The following CD200 variants were observed in gnomAD, a reference collection of about 807,000 sequenced individuals.
The protein encoded by CD200 is OX-2 membrane glycoprotein.
CD200 carries 15 observed loss-of-function variants against 30.9 expected under a neutral mutation model. The observed-to-expected ratio is 0.49, with a 90% CI of 0.32 to 0.75. The LOEUF (loss-of-function observed/expected upper bound fraction) is 0.75, where lower values mean the gene tolerates loss of function less well. Ranked by LOEUF, CD200 falls within the 30% of genes least tolerant of loss-of-function variation. The probability of loss-of-function intolerance (pLI) is 0.03; values close to 1 mark genes in which losing one functional copy is unlikely to be tolerated. For missense variants in CD200, 262 were observed against 324.2 expected (o/e 0.81, Z 1.47); for synonymous variants, 134 against 126.2 (o/e 1.06, Z -0.41).
chr3:112,333,285 C>A, intron 1 of CD200, 61 bp downstream of exon 1: 1 of 1,521,546 alleles, frequency 6.6e-7, no homozygotes, highest in South Asian at 1.2e-5. Flanking sequence ...GCCGGTGGCC[C>A]TGGGGCGGGC....
chr3:112,334,201 T>A (rs1331699956), intron 1 of CD200: 1 of 985,292 alleles, frequency 1.0e-6, no homozygotes. Context: ...TATTTCCAAG[T>A]CCTTGTGACT....
At chr3:112,353,067 G>A (rs2081564135) in intron 5 of CD200, among the ~76,000 whole-genome samples, 1 of 152,086 alleles carries the variant, frequency 6.6e-6, no homozygotes, top group South Asian at 2.1e-4. Flanking sequence ...AAATTTCCTA[G>A]GGAAATTTTC....
intron 5 of CD200, among the ~76,000 whole-genome samples, chr3:112,353,257 A>T (rs1244206191): frequency 6.6e-6 from 1 of 152,212 alleles, no homozygotes; most frequent in African/African-American, 2.4e-5. Context: ...TTTGAGGCAG[A>T]TCATCATAGA....
intron 2 of CD200, 52 bp downstream of exon 2, chr3:112,341,035 G>T: frequency 8.6e-7 from 1 of 1,160,080 alleles, no homozygotes. Context: ...AATTTCTGGG[G>T]TGAAGACATT....
At chr3:112,333,663 G>T in intron 1 of CD200, 1 of 985,448 alleles carries the variant, frequency 1.0e-6, no homozygotes, top group Non-Finnish European at 1.2e-6. Flanking sequence ...GGCACCAAAA[G>T]CTGCGGCGGA....
chr3:112,333,596 A>T, intron 1 of CD200: 1 of 985,436 alleles, frequency 1.0e-6, no homozygotes, highest in African/African-American at 1.7e-5. Flanking sequence ...GGGGAGGCAC[A>T]GCCTATTTTA....
intron 2 of CD200, among the ~76,000 whole-genome samples, chr3:112,343,330 G>T (rs1024595053): frequency 2.0e-5 from 3 of 151,608 alleles, no homozygotes; most frequent in Non-Finnish European, 4.4e-5. Flanking sequence ...TTGTGACATG[G>T]ACTTACCTTG....
In CD200 at chr3:112,344,973, A is replaced by G. The variant is rs746890633; in HGVS notation, c.106A>G (p.Thr36Ala). 1.9e-6 allele frequency: 3 copies of G among 1,610,804 alleles called. No homozygotes were observed. The South Asian group carries it at 3.3e-5, about 18-fold the overall frequency. ...VLCTAQVQVV[T>A]QDEREQLYTP... ...TTATGATTCCATAGTGCAAGTGGTG[A>G]CCCAGGATGAAAGAGAGCAGCTGTA... Residue 36 changes from threonine (T) to alanine (A), a missense_variant, in exon 3 of 6, where the codon ACC becomes GCC. Physicochemically the swap from Thr to Ala is moderately conservative, Grantham distance 58 (BLOSUM62 0). Transcript: ENST00000315711.
At chr3:112,349,204 A>G (rs2081479874) in intron 4 of CD200, among the ~76,000 whole-genome samples, 1 of 152,234 alleles carries the variant, frequency 6.6e-6, no homozygotes, top group Non-Finnish European at 1.5e-5. Context: ...AGACATAGAT[A>G]AGAAGAAATT....
Position 112,333,255 on chromosome 3 carries a change from C to A in CD200, c.12+31C>A, listed in dbSNP as rs1380380635. The stretch of plus-strand genomic sequence containing the variant: ...CGGGGCCGGGGCTTGGGAAGGAGGG[C>A]GCAGGGCAGGCGATGTTGAGCCGGT... On this transcript the variant is annotated intron_variant, in intron 1 of 5. Transcript: ENST00000315711. The A allele has an allele frequency of 3.9e-6, 6 of 1,546,924 alleles. No homozygotes were observed. The Admixed American group carries it at 7.9e-5, about 20-fold the overall frequency.
chr3:112,349,593 C>T (rs60377655), intron 4 of CD200, 119 bp from the exon 5 acceptor site: 60,525 of 566,126 alleles, frequency 0.11, 4,775 homozygotes, highest in African/African-American at 0.29. Context: ...TGAAGTCATA[C>T]GTATAAACCT....
chr3:112,334,011 A>T, intron 1 of CD200: 5 of 985,402 alleles, frequency 5.1e-6, no homozygotes, highest in Non-Finnish European at 6.0e-6. Flanking sequence ...TAATTTTTTC[A>T]TGTATGGTTT....
In CD200 at chr3:112,347,625, T is replaced by C. The variant is rs2081428917; in HGVS notation, c.489T>C (p.Thr163=). ...EDHLNITCSA[T]ARPAPMVFWK... is the part of the protein sequence containing the mutation. ...ACCTAAATATCACTTGCTCTGCCACTGCCCGCCCAGCCCCCATGGTCTTCT... is the reference window on the plus strand; with the variant it reads ...ACCTAAATATCACTTGCTCTGCCACCGCCCGCCCAGCCCCCATGGTCTTCT... Residue 163 remains threonine (T), a synonymous_variant, in exon 4 of 6, where the codon ACT becomes ACC. Coordinates refer to ENST00000315711, the MANE Select transcript of CD200 (RefSeq NM_005944.7). 6.2e-7 allele frequency: 1 copy of C among 1,614,076 alleles called. No homozygotes were observed. The highest frequency in any genetic ancestry group is 8.5e-7 in the Non-Finnish European group (1 of 1,179,958).
intron 1 of CD200, among the ~76,000 whole-genome samples, chr3:112,339,614 G>A (rs1235739064): frequency 6.6e-6 from 1 of 152,230 alleles, no homozygotes; most frequent in Non-Finnish European, 1.5e-5. Flanking sequence ...GTGTCTCACA[G>A]TCCCCTAAAG....
At chr3:112,357,687 C>T (rs1428041668) in intron 5 of CD200, among the ~76,000 whole-genome samples, 2 of 152,044 alleles carry the variant, frequency 1.3e-5, no homozygotes, top group Non-Finnish European at 2.9e-5. Context: ...CATGGGCATG[C>T]GTATTTGGAA....
At chr3:112,348,573 C>T (rs1281962454) in intron 4 of CD200, among the ~76,000 whole-genome samples, 2 of 152,152 alleles carry the variant, frequency 1.3e-5, no homozygotes, top group East Asian at 1.9e-4. Context: ...CACGTCTTTT[C>T]TCTGTGTAGT....
At chr3:112,354,318 G>A (rs1241465406) in intron 5 of CD200, among the ~76,000 whole-genome samples, 1 of 152,208 alleles carries the variant, frequency 6.6e-6, no homozygotes, top group Admixed American at 6.5e-5. Context: ...GAGATTAGCT[G>A]TCAGTACCTG....
chr3:112,355,813 A>AAT (rs999058397), intron 5 of CD200, among the ~76,000 whole-genome samples: 1 of 152,168 alleles, frequency 6.6e-6, no homozygotes, highest in Non-Finnish European at 1.5e-5. Flanking sequence ...CAGAGCTAAA[A>AAT]ATATATATAT....
In CD200 at chr3:112,349,827, G is replaced by A; in HGVS notation, c.802+8G>A. The A allele has an allele frequency of 1.3e-6, 2 of 1,588,308 alleles. No homozygotes were observed. Among genetic ancestry groups the A allele is most frequent in the Non-Finnish European group, 1.7e-6 (2 of 1,170,978 alleles). On this transcript the variant is annotated splice_region_variant and intron_variant, in intron 5 of 5. Transcript: ENST00000315711. ...ACCGGAATCAGGACCGAGGTGAGTTGTCACAGGGAGTTCAAAAAATGACAT... is the reference window on the plus strand; with the variant it reads ...ACCGGAATCAGGACCGAGGTGAGTTATCACAGGGAGTTCAAAAAATGACAT...
Sources: allele counts gnomAD v4.1 joint callset (sites outside exome capture counted in the v4.1 genomes callset), GRCh38; gene constraint gnomAD v4.1.1; transcripts MANE v1.5; gene names NCBI Gene and HGNC (gene_info 2026-07-23, HGNC 2026-07-21).